LARP1: variants seen among roughly 807,000 people sequenced by gnomAD.
LARP1 encodes the protein La ribonucleoprotein 1, translational regulator.
In LARP1, 36 loss-of-function variants were observed where a neutral mutation model predicts 122.7. The ratio of observed to expected loss-of-function variants is 0.29; its 90% CI spans 0.22 to 0.39. The LOEUF (loss-of-function observed/expected upper bound fraction) is 0.39, where lower values mean the gene tolerates loss of function less well. Ranked by LOEUF, LARP1 falls within the 10% of genes least tolerant of loss-of-function variation. The pLI is 1.00. For missense variants in LARP1, 1,040 were observed against 1,403.6 expected (o/e 0.74, Z 4.14); for synonymous variants, 539 against 528.7 (o/e 1.02, Z -0.27).
chr5:154,800,188 C>G (rs1758230305), intron 10 of LARP1, 146 bp downstream of exon 10: 1 of 726,742 alleles, frequency 1.4e-6, no homozygotes. Context: ...TTGAAGTTAC[C>G]AGTAGTGGCT....
chr5:154,786,552 A>G (rs1756903408), intron 1 of LARP1: 3 of 454,510 alleles, frequency 6.6e-6, no homozygotes, highest in Non-Finnish European at 1.3e-5. Flanking sequence ...CCACCCTGCT[A>G]CAGTCTGGGC....
Position 154,803,284 on chromosome 5 carries a change from C to T in LARP1, c.2110-6C>T, listed in dbSNP as rs779078563. ...TCTTTCCCCACTCATCTCATGACCT[C>T]TGCAGCAAGAAGTCGAGAACTTCAA... On this transcript the variant is annotated splice_polypyrimidine_tract_variant and splice_region_variant and intron_variant, in intron 11 of 18. Transcript: ENST00000518297. This position sits in a 1 kb window ranked among gnomAD's most constrained non-coding sequence, Gnocchi z 4.4. The T allele has an allele frequency of 9.9e-6, 16 of 1,614,084 alleles. No homozygotes were observed. Among genetic ancestry groups the T allele is most frequent in the Non-Finnish European group, 1.4e-5 (16 of 1,180,052 alleles).
chr5:154,717,067 A>G (rs1230204574), intron 1 of LARP1, among the ~76,000 whole-genome samples: 1 of 151,992 alleles, frequency 6.6e-6, no homozygotes, highest in East Asian at 1.9e-4. Context: ...CTCCAAAAAA[A>G]AAAAAAGAAA....
intron 1 of LARP1, among the ~76,000 whole-genome samples, chr5:154,721,589 AGC>A (rs1755874591): frequency 6.6e-6 from 1 of 152,176 alleles, no homozygotes; most frequent in Admixed American, 6.5e-5. Flanking sequence ...TCTTCCTGCC[AGC>A]CACTGCAGGG....
chr5:154,731,782 C>T (rs1372568292), intron 1 of LARP1, among the ~76,000 whole-genome samples: 1 of 152,130 alleles, frequency 6.6e-6, no homozygotes, highest in Non-Finnish European at 1.5e-5. Context: ...GTAATCCCAG[C>T]ACTTTGGGAG....
intron 1 of LARP1, among the ~76,000 whole-genome samples, chr5:154,790,112 G>C (rs1582418060): frequency 6.6e-6 from 1 of 152,178 alleles, no homozygotes; most frequent in African/African-American, 2.4e-5. Context: ...CTGGCTCTTT[G>C]CATGATCGCG....
chr5:154,763,006 T>A (rs927301755), intron 1 of LARP1, among the ~76,000 whole-genome samples: 3 of 152,094 alleles, frequency 2.0e-5, no homozygotes, highest in African/African-American at 7.2e-5. Flanking sequence ...TTACTGCATT[T>A]ACTGAGTGTC....
intron 3 of LARP1, chr5:154,792,106 C>A: frequency 2.6e-6 from 1 of 389,032 alleles, no homozygotes; most frequent in Non-Finnish European, 5.4e-6. Context: ...CAAGCACCGA[C>A]CTCCAGACCA....
chr5:154,730,197 AT>A (rs906264765), intron 1 of LARP1, among the ~76,000 whole-genome samples: 3 of 150,896 alleles, frequency 2.0e-5, no homozygotes, highest in Admixed American at 6.6e-5. Context: ...TATTATTATT[AT>A]TTTTTTTTGA....
Position 154,755,893 on chromosome 5 carries a change from G to T in LARP1, c.136G>T (p.Gly46Trp), listed in dbSNP as rs1298329723. The change falls in exon 1 of 19, where the codon GGG (glycine) becomes TGG (tryptophan). Residue 46 changes from glycine to tryptophan, a missense_variant. Physicochemically the swap from Gly to Trp is radical, Grantham distance 184. Transcript: ENST00000518297. ...KGEPGPNDVR[G>W]GEPDGSARRP... ...CGAGCCCGGGCCAAACGACGTCCGC[G>T]GGGGGGAGCCGGACGGCAGCGCTCG... 3.0e-6 allele frequency: 3 copies of T among 1,010,776 alleles called. No homozygotes were observed. The highest frequency in any genetic ancestry group is 5.0e-4 in the Middle Eastern group (1 of 2,000). 62.6% of individuals were successfully genotyped at this position (1,010,776 alleles called of 1,614,324 possible).
chr5:154,714,386 T>C (rs538752520), intron 1 of LARP1, among the ~76,000 whole-genome samples: 1 of 152,324 alleles, frequency 6.6e-6, no homozygotes, highest in East Asian at 1.9e-4. Context: ...TACTGGGACT[T>C]TTTGAAATGT....
chr5:154,694,430 T>A (rs1308178924), intron 1 of LARP1, among the ~76,000 whole-genome samples: 1 of 151,986 alleles, frequency 6.6e-6, no homozygotes, highest in East Asian at 1.9e-4. Flanking sequence ...CATTTTTTTT[T>A]TTTTATTTTA....
rs568888024 is a variant in LARP1, at chr5:154,785,308, A to G, written c.437-5017A>G. On this transcript the variant is annotated intron_variant, in intron 1 of 18. Transcript: ENST00000518297. ...CAGTCTGGACTGTATGAATTGAACC[A>G]ATTAATCACCCCAAGAGTTTTTCCC... Among the ~76,000 whole-genome samples the G allele has an allele frequency of 3.9e-5, 6 of 152,258 alleles. No individual in the cohort carries two copies. In the East Asian group the frequency reaches 7.7e-4, roughly 20 times the overall value.
chr5:154,734,825 T>C (rs145459435), intron 1 of LARP1, among the ~76,000 whole-genome samples: 2 of 152,290 alleles, frequency 1.3e-5, no homozygotes, highest in East Asian at 3.9e-4. Context: ...CAACTTCCCT[T>C]TTCCCGCTCC....
At chr5:154,760,254 T>G (rs768467259) in intron 1 of LARP1, among the ~76,000 whole-genome samples, 1 of 152,212 alleles carries the variant, frequency 6.6e-6, no homozygotes, top group Non-Finnish European at 1.5e-5. Flanking sequence ...TAGGAGCTAC[T>G]TCTGATCCTG....
At chr5:154,742,411 TAGTC>T (rs1316801665) in intron 1 of LARP1, among the ~76,000 whole-genome samples, 1 of 151,876 alleles carries the variant, frequency 6.6e-6, no homozygotes, top group Non-Finnish European at 1.5e-5. Flanking sequence ...AAAATAAAAT[TAGTC>T]AGGCATGGTG....
At chr5:154,735,638 G>A (rs1229867308) in intron 1 of LARP1, among the ~76,000 whole-genome samples, 3 of 150,554 alleles carry the variant, frequency 2.0e-5, no homozygotes, top group African/African-American at 7.3e-5. Flanking sequence ...GCGTGATCTC[G>A]GCTCATTGAA....
At chr5:154,799,160 C>A (rs922007644) in intron 8 of LARP1, among the ~76,000 whole-genome samples, 1 of 152,174 alleles carries the variant, frequency 6.6e-6, no homozygotes, top group Non-Finnish European at 1.5e-5. Flanking sequence ...CCAGGCCCGA[C>A]CTGTAAAGTT....
intron 15 of LARP1, among the ~76,000 whole-genome samples, chr5:154,807,806 A>C (rs1016733231): frequency 6.6e-6 from 1 of 152,184 alleles, no homozygotes; most frequent in African/African-American, 2.4e-5. Flanking sequence ...CTCCCTCCTC[A>C]GCCTCACAAA....
Sources: allele counts gnomAD v4.1 joint callset (sites outside exome capture counted in the v4.1 genomes callset), GRCh38; gene constraint gnomAD v4.1.1; non-coding constraint Gnocchi (gnomAD v3.1); transcripts MANE v1.5; gene names NCBI Gene and HGNC (gene_info 2026-07-23, HGNC 2026-07-21).